The following PC variants were observed in gnomAD, a reference collection of about 807,000 sequenced individuals.
PC encodes the protein pyruvate carboxylase.
In PC, 46 loss-of-function variants were observed where a neutral mutation model predicts 107.8. That is an observed-to-expected ratio of 0.43 (90% CI 0.34 to 0.55). The LOEUF is 0.55. PC is among the 20% of genes least tolerant of loss of function. The pLI, the probability that PC is intolerant of heterozygous loss-of-function variation, is 0.04. For missense variants in PC, 1,241 were observed against 1,643.1 expected, an observed-to-expected ratio of 0.76 and a Z score of 4.23; for synonymous variants, 662 against 684.7, an observed-to-expected ratio of 0.97 and a Z score of 0.52.
At chr11:66,919,276 C>T (rs1948538372) in intron 3 of PC, among the ~76,000 whole-genome samples, 2 of 152,048 alleles carry the variant, frequency 1.3e-5, no homozygotes, top group Non-Finnish European at 2.9e-5. Context: ...ATTAGCCAGG[C>T]GTGGTGGCAC....
At chr11:66,865,967 G>T (rs1421685658) in intron 11 of PC, among the ~76,000 whole-genome samples, 2 of 152,260 alleles carry the variant, frequency 1.3e-5, no homozygotes, top group African/African-American at 2.4e-5. Flanking sequence ...CACCCTCACG[G>T]CTTCCTCCTG....
chr11:66,901,711 G>A (rs1305365099), intron 3 of PC, among the ~76,000 whole-genome samples: 1 of 152,112 alleles, frequency 6.6e-6, no homozygotes, highest in Non-Finnish European at 1.5e-5. Context: ...GACTTCAGGT[G>A]ATCCGCCCGC....
chr11:66,944,774 T>A lies in PC; in HGVS notation c.-1+7656A>T, dbSNP rs1210750217. Among the ~76,000 whole-genome samples the A allele has an allele frequency of 1.7e-5, 2 of 116,054 alleles. 1 individual carries two copies. Among genetic ancestry groups the A allele is most frequent in the Non-Finnish European group, 3.8e-5 (2 of 52,382 alleles). The allele number at this position is 116,054 out of a possible 152,430, so 76.1% of individuals were successfully genotyped here. A position where few individuals can be genotyped will look rare whatever the true frequency, so the allele number is the denominator to read the frequency against. On this transcript the variant is annotated intron_variant, in intron 3 of 22. Transcript: ENST00000393960. Reference sequence around the variant, plus strand: ...CTGCCAATTTCTCCCCCAAATGTCCTTTTCTTGTCACTCTACAAACCTCTG... The same window carrying A: ...CTGCCAATTTCTCCCCCAAATGTCCATTTCTTGTCACTCTACAAACCTCTG...
In PC at chr11:66,863,781, C is replaced by G; in HGVS notation, c.1361G>C (p.Gly454Ala). The change falls in exon 12 of 23, where the codon GGT (glycine) becomes GCT (alanine). Residue 454 changes from glycine to alanine, a missense_variant. This residue lies in a region of PC where 1,143 missense variants were observed against 1,551.9 expected (regional missense o/e 0.74). Coordinates refer to ENST00000393960, the MANE Select transcript of PC (RefSeq NM_001040716.2). ...SRALAEFRVR[G>A]VKTNIAFLQN... is the part of the protein sequence containing the mutation. ...GGGGCTGCAGCCTCTCACCTTCACA[C>G]CTCGGACGCGGAACTCCGCAAGGGC... 6.2e-7 allele frequency: 1 copy of G among 1,610,360 alleles called. No homozygotes were observed. Among genetic ancestry groups the G allele is most frequent in the East Asian group, 2.2e-5 (1 of 44,832 alleles).
Position 66,853,282 on chromosome 11 carries a change from C to T in PC, c.1470G>A (p.Leu490=). ...FIDENPELFQ[L]RPAQNRAQKL... The stretch of plus-strand genomic sequence containing the variant: ...TTTGGGCCCGGTTCTGTGCAGGCCG[C>T]AGCTGGAACAGCTCTGGGTTCTCGT... Residue 490 remains leucine, a synonymous_variant, in exon 13 of 23, where the codon CTG becomes CTA. Coordinates refer to ENST00000393960, the MANE Select transcript of PC (RefSeq NM_001040716.2). The T allele has an allele frequency of 1.2e-6, 2 of 1,614,072 alleles. No individual in the cohort carries two copies. Among genetic ancestry groups the T allele is most frequent in the Non-Finnish European group, 1.7e-6 (2 of 1,180,008 alleles).
At position 66,849,678 on chromosome 11, in the gene PC, A is replaced by G; in HGVS notation, c.3080T>C (p.Phe1027Ser). 1 of 1,614,184 alleles carries G rather than the reference A, an allele frequency of 6.2e-7. No individual in the cohort carries two copies. The highest frequency in any genetic ancestry group is 1.7e-5 in the Admixed American group (1 of 60,024). Residue 1027 changes from phenylalanine to serine, a missense_variant, in exon 21 of 23, where the codon TTT (phenylalanine) becomes TCT (serine). Transcript: ENST00000393960. Reference protein sequence around the residue: ...FAHFKDFTATFGPLDSLNTRL... With the variant: ...FAHFKDFTATSGPLDSLNTRL... ...AGTATTCAGGCTATCCAGGGGGCCA[A>G]AGGTGGCAGTGAAGTCCTTGAAGTG...
chr11:66,935,015 C>T (rs1948959814), intron 3 of PC, among the ~76,000 whole-genome samples: 1 of 152,212 alleles, frequency 6.6e-6, no homozygotes, highest in South Asian at 2.1e-4. Context: ...GTATTTTGTC[C>T]AGCACGTGCA....
intron 12 of PC, among the ~76,000 whole-genome samples, chr11:66,863,571 C>A (rs985438515): frequency 2.0e-5 from 3 of 152,214 alleles, no homozygotes; most frequent in Non-Finnish European, 4.4e-5. Context: ...ACTCTGGCAG[C>A]GGGTTGCCCA....
At chr11:66,917,772 A>ATC (rs1948498264) in intron 3 of PC, among the ~76,000 whole-genome samples, 1 of 152,186 alleles carries the variant, frequency 6.6e-6, no homozygotes, top group Non-Finnish European at 1.5e-5. Context: ...ATAACGGAGA[A>ATC]ATTTATCTGG....
At chr11:66,918,696 C>G (rs1948521994) in intron 3 of PC, among the ~76,000 whole-genome samples, 1 of 152,010 alleles carries the variant, frequency 6.6e-6, no homozygotes, top group South Asian at 2.1e-4. Flanking sequence ...TTCTGCCATT[C>G]TCTTTTTAGG....
At chr11:66,904,784 G>T (rs1054619609) in intron 3 of PC, among the ~76,000 whole-genome samples, 1 of 152,248 alleles carries the variant, frequency 6.6e-6, no homozygotes, top group African/African-American at 2.4e-5. Context: ...GATTCTGTGG[G>T]AAGGGAACGG....
chr11:66,882,267 A>G (rs1367571186), intron 3 of PC, among the ~76,000 whole-genome samples: 1 of 152,212 alleles, frequency 6.6e-6, no homozygotes, highest in African/African-American at 2.4e-5. Flanking sequence ...AGTGCTCAGC[A>G]GCCTTTCTGG....
At chr11:66,903,821 T>A (rs1330546570) in intron 3 of PC, among the ~76,000 whole-genome samples, 1 of 139,714 alleles carries the variant, frequency 7.2e-6, no homozygotes, top group Non-Finnish European at 1.5e-5. Context: ...CACACACATA[T>A]ATACATTTTT....
At chr11:66,905,773 G>A (rs565124850) in intron 3 of PC, among the ~76,000 whole-genome samples, 1 of 152,204 alleles carries the variant, frequency 6.6e-6, no homozygotes, top group South Asian at 2.1e-4. Context: ...AAGGTGGGGA[G>A]GGCTGCTGCC....
chr11:66,954,808 G>C lies in PC; in HGVS notation c.-227-372C>G, dbSNP rs112790208. ...AAGATACAAAAATTAGCCAGGCAAA[G>C]GGTTGGTGCCTGTAATCCCAGCTAC... On this transcript the variant is annotated intron_variant, in intron 1 of 22. Coordinates refer to ENST00000393960, the MANE Select transcript of PC (RefSeq NM_001040716.2). 7.4e-3 allele frequency among the ~76,000 whole-genome samples: 1,128 copies of C among 152,218 alleles called. 14 individuals carry two copies. The highest frequency in any genetic ancestry group is 0.026 in the African/African-American group (1,080 of 41,540).
intron 11 of PC, among the ~76,000 whole-genome samples, chr11:66,865,453 C>G (rs1220884935): frequency 6.6e-6 from 1 of 152,238 alleles, no homozygotes; most frequent in Non-Finnish European, 1.5e-5. Context: ...GAACAGGCAC[C>G]GAGCAGGCCG....
intron 3 of PC, among the ~76,000 whole-genome samples, chr11:66,941,198 GT>G (rs1280618105): frequency 6.6e-6 from 1 of 151,354 alleles, no homozygotes; most frequent in Admixed American, 6.6e-5. Flanking sequence ...AAACAACAAA[GT>G]GTTGGTGAGG....
chr11:66,864,232 C>T (rs925234106), intron 11 of PC, among the ~76,000 whole-genome samples: 7 of 152,324 alleles, frequency 4.6e-5, no homozygotes, highest in African/African-American at 1.2e-4. Flanking sequence ...TGCCGCAGAG[C>T]GGGAGAGGGG....
chr11:66,902,405 T>C (rs1374096561), intron 3 of PC, among the ~76,000 whole-genome samples: 1 of 152,122 alleles, frequency 6.6e-6, no homozygotes, highest in Non-Finnish European at 1.5e-5. Context: ...CTGAGTGATT[T>C]CTATGATCTC....
Sources: gnomAD v4.1 joint callset for allele counts (sites outside exome capture counted in the v4.1 genomes callset) on GRCh38, gnomAD v4.1.1 for gene constraint, gnomAD v4.1.1 regional missense constraint, MANE v1.5 for transcripts, NCBI Gene and HGNC (gene_info 2026-07-23, HGNC 2026-07-21) for gene names.